The following RAB3B variants were observed in gnomAD, a reference collection of about 807,000 sequenced individuals.
RAB3B encodes RAB3B, member RAS oncogene family, also known as ras-related protein Rab-3B.
RAB3B carries 11 observed loss-of-function variants against 20.5 expected under a neutral mutation model. The observed-to-expected ratio is 0.54, with a 90% confidence interval of 0.34 to 0.89. The LOEUF is 0.89. Among genes scored for constraint, RAB3B ranks in the 40% least tolerant of loss-of-function variants. The pLI, the probability that RAB3B is intolerant of heterozygous loss-of-function variation, is 0.02. For synonymous variants in RAB3B, 99 were observed against 106.3 expected (o/e 0.93, Z 0.42); for missense variants, 225 against 280.9 (o/e 0.80, Z 1.42).
chr1:51,953,602 G>C (rs1193275245), intron 2 of RAB3B, among the ~76,000 whole-genome samples: 1 of 152,148 alleles, frequency 6.6e-6, no homozygotes, highest in Non-Finnish European at 1.5e-5. Context: ...TCAGGAGTTC[G>C]AGACCAGCCT....
Position 51,913,502 on chromosome 1 carries a change from G to A in RAB3B, c.*6425C>T, listed in dbSNP as rs1308127066. 6.7e-6 allele frequency: 1 copy of A among 149,994 alleles called. No homozygotes were observed. Among genetic ancestry groups the A allele is most frequent in the Non-Finnish European group, 1.5e-5 (1 of 67,642 alleles). The allele number at this position is 149,994 out of a possible 1,614,324, so 9.3% of individuals were successfully genotyped here. A position where few individuals can be genotyped will look rare whatever the true frequency, so the allele number is the denominator to read the frequency against. On this transcript the variant is annotated 3_prime_UTR_variant, in exon 5 of 5. Coordinates refer to ENST00000371655, the MANE Select transcript of RAB3B (RefSeq NM_002867.4). ...CTTTTTTTTTTTTGAGACTGAGTCT[G>A]GCTCTATCGCCCAGGCTGAAGTGCA...
At chr1:51,951,990 T>C (rs555840759) in intron 2 of RAB3B, among the ~76,000 whole-genome samples, 69 of 152,334 alleles carry the variant, frequency 4.5e-4, no homozygotes, top group Middle Eastern at 3.4e-3. Flanking sequence ...TGCACCTTTT[T>C]TGGGAAGTCC....
In RAB3B at chr1:51,977,053, A is replaced by G; in HGVS notation, c.65T>C (p.Met22Thr). 6.2e-7 allele frequency: 1 copy of G among 1,614,186 alleles called. No individual in the cohort carries two copies. The highest frequency in any genetic ancestry group is 1.1e-5 in the South Asian group (1 of 91,074). Residue 22 changes from methionine (M) to threonine (T), a missense_variant, in exon 2 of 5, where the codon ATG (methionine) becomes ACG (threonine). By Grantham distance (81) the Met-to-Thr change is moderately conservative (BLOSUM62 -1). Transcript: ENST00000371655. The part of the protein sequence containing the change: ...KDASDQNFDY[M>T]FKLLIIGNSS... The stretch of plus-strand genomic sequence containing the variant: ...GTTGCCAATGATAAGCAGTTTAAAC[A>G]TGTAGTCAAAATTCTGGTCAGAGGC...
At chr1:51,968,179 C>T (rs954590941) in intron 2 of RAB3B, among the ~76,000 whole-genome samples, 1 of 152,142 alleles carries the variant, frequency 6.6e-6, no homozygotes, top group Non-Finnish European at 1.5e-5. Flanking sequence ...AGAACACAGA[C>T]TGAAACCAGC....
chr1:51,982,940 T>C (rs939711724), intron 1 of RAB3B, among the ~76,000 whole-genome samples: 1 of 152,172 alleles, frequency 6.6e-6, no homozygotes, highest in Non-Finnish European at 1.5e-5. Context: ...TGTATGGTAA[T>C]GTCCTAGGCC....
chr1:51,925,977 G>A (rs1474338548), intron 4 of RAB3B, among the ~76,000 whole-genome samples: 1 of 152,228 alleles, frequency 6.6e-6, no homozygotes, highest in African/African-American at 2.4e-5. Context: ...TGGGGGGCCA[G>A]CTGAGGCAGG....
At chr1:51,975,919 G>T (rs555153269) in intron 2 of RAB3B, among the ~76,000 whole-genome samples, 11 of 152,004 alleles carry the variant, frequency 7.2e-5, no homozygotes, top group Non-Finnish European at 1.5e-4. Context: ...TTGAACCCGG[G>T]AGGCGGAAGT....
intron 2 of RAB3B, among the ~76,000 whole-genome samples, chr1:51,973,724 T>C (rs1017519544): frequency 1.3e-5 from 2 of 152,170 alleles, no homozygotes; most frequent in Non-Finnish European, 2.9e-5. Context: ...AACTAGACCA[T>C]GTAATCAATA....
At chr1:51,947,895 C>A (rs1684586437) in intron 2 of RAB3B, among the ~76,000 whole-genome samples, 1 of 152,056 alleles carries the variant, frequency 6.6e-6, no homozygotes, top group Admixed American at 6.5e-5. Context: ...GACACCCACC[C>A]CCTCACAAAG....
chr1:51,918,562 T>A lies in RAB3B; in HGVS notation c.*1365A>T, dbSNP rs1478540267. 2.0e-5 allele frequency: 3 copies of A among 152,194 alleles called. No individual in the cohort carries two copies. Among genetic ancestry groups the A allele is most frequent in the Admixed American group, 6.5e-5 (1 of 15,284 alleles). 9.4% of individuals were successfully genotyped at this position (152,194 alleles called of 1,614,324 possible). ...GAAGAAGAATTTCCAGGAGGCAGAT[T>A]TGAGCTCGATACAAGGAAAACTTTC... On this transcript the variant is annotated 3_prime_UTR_variant, in exon 5 of 5. Coordinates refer to ENST00000371655, the MANE Select transcript of RAB3B (RefSeq NM_002867.4).
At position 51,909,870 on chromosome 1, in the gene RAB3B, T is replaced by C. The variant is rs1683972903; in HGVS notation, c.*10057A>G. The C allele has an allele frequency of 7.8e-6, 1 of 128,708 alleles. No homozygotes were observed. The highest frequency in any genetic ancestry group is 1.6e-5 in the Non-Finnish European group (1 of 62,070). The allele number at this position is 128,708 out of a possible 1,614,324, so 8.0% of individuals were successfully genotyped here. A position where few individuals can be genotyped will look rare whatever the true frequency, so the allele number is the denominator to read the frequency against. On this transcript the variant is annotated 3_prime_UTR_variant, in exon 5 of 5. Coordinates refer to ENST00000371655, the MANE Select transcript of RAB3B (RefSeq NM_002867.4). ...CCCTTACAAAGATCCTGGATTAGAT[T>C]TGCCTGCCTAGCTCTGCCTGATTGG...
chr1:51,917,618 A>G lies in RAB3B; in HGVS notation c.*2309T>C, dbSNP rs1317933282. On this transcript the variant is annotated 3_prime_UTR_variant, in exon 5 of 5. Coordinates refer to ENST00000371655, the MANE Select transcript of RAB3B (RefSeq NM_002867.4). ...GTCACCCAGACTGGAATGCAGTGGC[A>G]TAATTACAGCTCACTGCAACCTCAA... 6.6e-6 allele frequency: 1 copy of G among 152,152 alleles called. No individual in the cohort carries two copies. The highest frequency in any genetic ancestry group is 1.5e-5 in the Non-Finnish European group (1 of 68,048). 9.4% of individuals were successfully genotyped at this position (152,152 alleles called of 1,614,324 possible).
intron 1 of RAB3B, among the ~76,000 whole-genome samples, chr1:51,977,823 CAT>C (rs1685030029): frequency 6.6e-6 from 1 of 152,000 alleles, no homozygotes; most frequent in African/African-American, 2.4e-5. Flanking sequence ...ATAAATAAAA[CAT>C]AGAAACTTTC....
chr1:51,965,110 T>C (rs1684830909), intron 2 of RAB3B, among the ~76,000 whole-genome samples: 1 of 151,634 alleles, frequency 6.6e-6, no homozygotes, highest in African/African-American at 2.4e-5. Context: ...TCCCAGCCAC[T>C]CAGGTGGCTG....
intron 2 of RAB3B, among the ~76,000 whole-genome samples, chr1:51,949,601 T>C (rs905153171): frequency 6.6e-6 from 1 of 152,180 alleles, no homozygotes; most frequent in African/African-American, 2.4e-5. Flanking sequence ...TGACCAGGCA[T>C]GTCACCCCAA....
At chr1:51,975,243 CAT>C (rs1482870661) in intron 2 of RAB3B, among the ~76,000 whole-genome samples, 1 of 152,096 alleles carries the variant, frequency 6.6e-6, no homozygotes, top group Non-Finnish European at 1.5e-5. Context: ...AATAATAATA[CAT>C]GTTTTAAATA....
chr1:51,958,453 G>A (rs1275896533), intron 2 of RAB3B, among the ~76,000 whole-genome samples: 1 of 152,202 alleles, frequency 6.6e-6, no homozygotes, highest in East Asian at 1.9e-4. Flanking sequence ...GCCGGGCGCG[G>A]TGGCTCATGC....
Position 51,976,965 on chromosome 1 carries a change from G to A in RAB3B, c.153C>T (p.Phe51=), listed in dbSNP as rs764672569. 4.1e-5 allele frequency: 66 copies of A among 1,614,060 alleles called. 1 individual carries two copies. The South Asian group carries it at 4.4e-4, about 11-fold the overall frequency. The change falls in exon 2 of 5, where the codon TTC becomes TTT. Residue 51 remains phenylalanine, a synonymous_variant. Transcript: ENST00000371655. The part of the protein sequence containing the change: ...RYADDTFTPA[F]VSTVGIDFKV... ...TGAAGTCGATGCCCACGGTGCTAAC[G>A]AAGGCTGGGGTGAACGTGTCATCAG...
chr1:51,928,800 T>C (rs1312253426), intron 4 of RAB3B, among the ~76,000 whole-genome samples: 4 of 152,012 alleles, frequency 2.6e-5, no homozygotes, highest in African/African-American at 9.7e-5. Context: ...TTAACCCACA[T>C]TGGGACTATT....
Sources: allele counts gnomAD v4.1 joint callset (sites outside exome capture counted in the v4.1 genomes callset), GRCh38; gene constraint gnomAD v4.1.1; transcripts MANE v1.5; gene names NCBI Gene and HGNC (gene_info 2026-07-23, HGNC 2026-07-21).